The following DEPDC1 variants were observed in gnomAD, a reference collection of about 807,000 sequenced individuals.
DEPDC1 encodes the protein DEP domain-containing protein 1A.
In DEPDC1, 66 loss-of-function variants were observed where a neutral mutation model predicts 86.8. That is an observed-to-expected ratio of 0.76 (90% CI 0.62 to 0.93). The LOEUF (loss-of-function observed/expected upper bound fraction) is 0.93, where lower values mean the gene tolerates loss of function less well. DEPDC1 is among the 40% of genes least tolerant of loss of function. The pLI is 0.00. For synonymous variants in DEPDC1, 255 were observed against 314.9 expected (o/e 0.81, Z 2.02); for missense variants, 792 against 935.7 (o/e 0.85, Z 2.00).
intron 2 of DEPDC1, among the ~76,000 whole-genome samples, 153 bp from the exon 3 acceptor site, chr1:68,489,761 TAA>T (rs35268401): frequency 6.6e-6 from 1 of 151,570 alleles, no homozygotes; most frequent in Non-Finnish European, 1.5e-5. Flanking sequence ...ATTAAACCTT[TAA>T]AAAAAATAGG....
At chr1:68,488,035 A>G (rs559257073) in intron 5 of DEPDC1, among the ~76,000 whole-genome samples, 35 of 151,934 alleles carry the variant, frequency 2.3e-4, no homozygotes, top group Middle Eastern at 6.8e-3. Context: ...CTTACTTATC[A>G]TTAATCTTTA....
At chr1:68,487,107 G>C in intron 5 of DEPDC1, 123 bp from the exon 6 acceptor site, 1 of 689,056 alleles carries the variant, frequency 1.5e-6, no homozygotes, top group Non-Finnish European at 2.2e-6. Flanking sequence ...TGTTACATTT[G>C]TATATGTGTG....
At chr1:68,491,964 C>G (rs184207624) in intron 2 of DEPDC1, among the ~76,000 whole-genome samples, 1 of 145,240 alleles carries the variant, frequency 6.9e-6, no homozygotes, top group Non-Finnish European at 1.5e-5. Flanking sequence ...CCTATGTTAT[C>G]CAGACTGGTC....
chr1:68,486,530 C>T (rs112681535), intron 6 of DEPDC1, among the ~76,000 whole-genome samples: 1 of 151,134 alleles, frequency 6.6e-6, no homozygotes, highest in East Asian at 1.9e-4. Context: ...CTTTTTTTTT[C>T]ATAACATAAA....
chr1:68,487,700 G>A (rs1266659501), intron 5 of DEPDC1, among the ~76,000 whole-genome samples: 1 of 151,824 alleles, frequency 6.6e-6, no homozygotes, highest in Non-Finnish European at 1.5e-5. Flanking sequence ...AACCAAAGTA[G>A]CATATGTCAG....
Position 68,496,881 on chromosome 1 carries a change from G to GAGGTAAAACTGCGAACGGTCT in DEPDC1, c.48+70_48+71insAGACCGTTCGCAGTTTTACCT. 1 of 1,503,412 alleles carries GAGGTAAAACTGCGAACGGTCT rather than the reference G, an allele frequency of 6.7e-7. No individual in the cohort carries two copies. Among genetic ancestry groups the GAGGTAAAACTGCGAACGGTCT allele is most frequent in the Non-Finnish European group, 9.2e-7 (1 of 1,087,984 alleles). 93.1% of individuals were successfully genotyped at this position (1,503,412 alleles called of 1,614,324 possible). On this transcript the variant is annotated intron_variant, in intron 1 of 11. Transcript: ENST00000456315. This position sits in a 1 kb window ranked among gnomAD's most constrained non-coding sequence, Gnocchi z 4.0. ...GACCGAGGTAAAACTGCGAACGGTC[G>GAGGTAAAACTGCGAACGGTCT]AGGTAAAACTGCGAACAGTGGTGAC...
rs750477800 is a variant in DEPDC1 at position 68,481,627 on chromosome 1, T to TA, written c.1763-16dup. ...TTGCAGCAAGCCTAGAATACAAAAA[T>TA]ACCCCCCCAAAAATCATCAATGACA... On this transcript the variant is annotated splice_polypyrimidine_tract_variant and intron_variant, in intron 8 of 11. Coordinates refer to ENST00000456315, the MANE Select transcript of DEPDC1 (RefSeq NM_001114120.3). 3 of 1,473,974 alleles carry TA rather than the reference T, an allele frequency of 2.0e-6. No homozygotes were observed. The highest frequency in any genetic ancestry group is 1.2e-5 in the South Asian group (1 of 83,434). 91.3% of individuals were successfully genotyped at this position (1,473,974 alleles called of 1,614,324 possible).
intron 2 of DEPDC1, among the ~76,000 whole-genome samples, chr1:68,490,019 T>C (rs1335658977): frequency 6.6e-6 from 1 of 152,118 alleles, no homozygotes; most frequent in Non-Finnish European, 1.5e-5. Context: ...GGCCTCCTTT[T>C]ATTTTAATAT....
chr1:68,482,063 A>G lies in DEPDC1; in HGVS notation c.1745T>C (p.Met582Thr), dbSNP rs1646159874. ...AGCCTTACTTTGTGTGCCAGTCAAC[A>G]TAGAAGAAGCTGGAAGTAAAGAATT... ...SENSLLPASS[M>T]LTGTQSLLQP... Residue 582 changes from methionine (M) to threonine (T), a missense_variant, in exon 8 of 12, where the codon ATG (methionine) becomes ACG (threonine). Coordinates refer to ENST00000456315, the MANE Select transcript of DEPDC1 (RefSeq NM_001114120.3). 6.3e-7 allele frequency: 1 copy of G among 1,596,846 alleles called. No homozygotes were observed.
At chr1:68,488,883 C>A (rs75920332) in intron 4 of DEPDC1, 33 bp downstream of exon 4, 2 of 1,239,548 alleles carry the variant, frequency 1.6e-6, no homozygotes, top group Non-Finnish European at 2.4e-6. Context: ...CAGAACACAT[C>A]AGGAACTTCA....
chr1:68,484,937 CAT>C (rs71581173), intron 6 of DEPDC1, among the ~76,000 whole-genome samples: 108 of 147,596 alleles, frequency 7.3e-4, no homozygotes, highest in Admixed American at 1.1e-3. Context: ...CTTCTGGAGG[CAT>C]ATATATATAT....
intron 1 of DEPDC1, among the ~76,000 whole-genome samples, chr1:68,495,761 A>G (rs1214376574): frequency 1.3e-5 from 2 of 152,186 alleles, no homozygotes; most frequent in Non-Finnish European, 1.5e-5. Context: ...CCTATCTTCA[A>G]TCTCTATGCC....
At position 68,479,072 on chromosome 1, in the gene DEPDC1, TAAGC is replaced by T; in HGVS notation, c.2112+68_2112+71del. ...AGCTGATAAAGTCTCCCTTTTTGATTAAGCTATTTTGAGATGAGTTTGCCACTTG... is the reference window on the plus strand; with the variant it reads ...AGCTGATAAAGTCTCCCTTTTTGATTTATTTTGAGATGAGTTTGCCACTTG... On this transcript the variant is annotated intron_variant, in intron 10 of 11. Transcript: ENST00000456315. 6.0e-6 allele frequency: 8 copies of T among 1,329,424 alleles called. No homozygotes were observed. In the Admixed American group the frequency reaches 9.1e-5, roughly 15 times the overall value. 82.4% of individuals were successfully genotyped at this position (1,329,424 alleles called of 1,614,324 possible).
chr1:68,491,860 C>T (rs924047835), intron 2 of DEPDC1, among the ~76,000 whole-genome samples: 21 of 151,858 alleles, frequency 1.4e-4, no homozygotes, highest in Admixed American at 3.3e-4. Context: ...CTCAACCTCC[C>T]GGGCTCGGCC....
At chr1:68,484,881 CTGAG>C (rs1054930997) in intron 6 of DEPDC1, among the ~76,000 whole-genome samples, 68 of 151,762 alleles carry the variant, frequency 4.5e-4, no homozygotes, top group African/African-American at 1.6e-3. Context: ...TTCTGGTTCA[CTGAG>C]TGTTTTCCAA....
At position 68,479,287 on chromosome 1, in the gene DEPDC1, A is replaced by C. The variant is rs1475190153; in HGVS notation, c.1969T>G (p.Cys657Gly). The C allele has an allele frequency of 6.2e-7, 1 of 1,607,056 alleles. No individual in the cohort carries two copies. The highest frequency in any genetic ancestry group is 8.5e-7 in the Non-Finnish European group (1 of 1,177,700). Residue 657 changes from cysteine to glycine, a missense_variant, in exon 10 of 12, where the codon TGT (cysteine) becomes GGT (glycine). Physicochemically the swap from Cys to Gly is radical, Grantham distance 159 (BLOSUM62 -3). Coordinates refer to ENST00000456315, the MANE Select transcript of DEPDC1 (RefSeq NM_001114120.3). ...IHTFSRCVLC[C>G]AEEVDLDELL... ...TCATCAAGATCCACTTCTTCAGCAC[A>C]GCATAACACACATCGAGAAAAGGTA...
Position 68,474,714 on chromosome 1 carries a change from T to C in DEPDC1, c.*2218A>G, listed in dbSNP as rs1399024114. The C allele has an allele frequency of 6.6e-6, 1 of 152,064 alleles. No homozygotes were observed. The highest frequency in any genetic ancestry group is 1.5e-5 in the Non-Finnish European group (1 of 67,958). 9.4% of individuals were successfully genotyped at this position (152,064 alleles called of 1,614,324 possible). On this transcript the variant is annotated 3_prime_UTR_variant, in exon 12 of 12. Transcript: ENST00000456315. Reference sequence around the variant, plus strand: ...CATCTATATTTGAACTTAAAGATCTTTATGTTAGAATGGAATCTATCCATG... The same window carrying C: ...CATCTATATTTGAACTTAAAGATCTCTATGTTAGAATGGAATCTATCCATG...
rs1646104510 is a variant in DEPDC1, at chr1:68,474,866, G to C, written c.*2066C>G. ...CAGAACCTTTGTCTCATAATGAAAA[G>C]ATAGTTAATAAGGCTCATCAATTGT... On this transcript the variant is annotated 3_prime_UTR_variant, in exon 12 of 12. Transcript: ENST00000456315. The C allele has an allele frequency of 6.6e-6, 1 of 151,992 alleles. No homozygotes were observed. Among genetic ancestry groups the C allele is most frequent in the Non-Finnish European group, 1.5e-5 (1 of 67,926 alleles). The allele number at this position is 151,992 out of a possible 1,614,324, so 9.4% of individuals were successfully genotyped here.
intron 3 of DEPDC1, 54 bp from the exon 4 acceptor site, chr1:68,489,088 T>A (rs1481166822): frequency 9.2e-7 from 1 of 1,085,544 alleles, no homozygotes; most frequent in African/African-American, 1.6e-5. Context: ...TTTTAAATAT[T>A]GAAAGCAACA....
Sources: allele counts gnomAD v4.1 joint callset (sites outside exome capture counted in the v4.1 genomes callset), GRCh38; gene constraint gnomAD v4.1.1; non-coding constraint Gnocchi (gnomAD v3.1); transcripts MANE v1.5; gene names NCBI Gene and HGNC (gene_info 2026-07-23, HGNC 2026-07-21).